The following PFKFB3 variants were observed in gnomAD, a reference collection of about 807,000 sequenced individuals.
PFKFB3 encodes 6-phosphofructo-2-kinase/fructose-2,6-bisphosphatase 3.
A neutral mutation model predicts 68.0 loss-of-function variants in PFKFB3; 33 were observed. That is an observed-to-expected ratio of 0.49 (90% CI 0.37 to 0.65). The LOEUF (loss-of-function observed/expected upper bound fraction) is 0.65, where lower values mean the gene tolerates loss of function less well. PFKFB3 is among the 30% of genes least tolerant of loss of function. The probability of loss-of-function intolerance (pLI) is 0.00; values close to 1 mark genes in which losing one functional copy is unlikely to be tolerated. For missense variants in PFKFB3, 586 were observed against 712.2 expected (o/e 0.82, Z 2.02); for synonymous variants, 315 against 288.2 (o/e 1.09, Z -0.94).
At chr10:6,281,092 A>G in the PFKFB3 span, among the ~76,000 whole-genome samples, 1 of 148,716 alleles carries the variant, frequency 6.7e-6, no homozygotes, top group Non-Finnish European at 1.5e-5. Context: ...ACTTAGAATC[A>G]TACTCTCCAG....
chr10:6,293,055 G>T, the PFKFB3 span: 1 of 376,884 alleles, frequency 2.7e-6, no homozygotes, highest in East Asian at 7.3e-5. Context: ...GCCAAAGAAG[G>T]AAACGGAGAC....
At chr10:6,239,685 T>A (rs893161814), downstream of PFKFB3, among the ~76,000 whole-genome samples, 1 of 152,186 alleles carries the variant, frequency 6.6e-6, no homozygotes, top group Non-Finnish European at 1.5e-5. Context: ...TTCTAATATT[T>A]TTTTTTGAGA....
rs1415499695 is a variant in PFKFB3, at chr10:6,221,369, A to G, written c.832-12A>G. 3.1e-6 allele frequency: 5 copies of G among 1,613,340 alleles called. No individual in the cohort carries two copies. Among genetic ancestry groups the G allele is most frequent in the Non-Finnish European group, 4.2e-6 (5 of 1,179,886 alleles). On this transcript the variant is annotated splice_polypyrimidine_tract_variant and intron_variant, in intron 8 of 14. Coordinates refer to ENST00000379775, the MANE Select transcript of PFKFB3 (RefSeq NM_004566.4). ...CATCTGGAATCAGTGGTCCCCCTCC[A>G]CCACCTCTCAGTTTGCCAGTGCTCT...
chr10:6,326,329 A>C, the PFKFB3 span, among the ~76,000 whole-genome samples: 2 of 152,106 alleles, frequency 1.3e-5, no homozygotes, highest in Non-Finnish European at 2.9e-5. Flanking sequence ...GAAAAGACCT[A>C]ATGTATGCTG....
chr10:6,312,873 C>T, the PFKFB3 span, among the ~76,000 whole-genome samples: 8,099 of 152,214 alleles, frequency 0.053, 323 homozygotes, highest in Middle Eastern at 0.19. Flanking sequence ...GAGCTGCATA[C>T]TCTTCTGTTT....
At chr10:6,221,851 G>A in intron 10 of PFKFB3, 106 bp downstream of exon 10, 1 of 717,170 alleles carries the variant, frequency 1.4e-6, no homozygotes, top group South Asian at 1.7e-5. Flanking sequence ...GGTTCTGGGG[G>A]CTCCTACACC....
At chr10:6,292,569 G>A in the PFKFB3 span, among the ~76,000 whole-genome samples, 14 of 151,382 alleles carry the variant, frequency 9.2e-5, no homozygotes, top group Non-Finnish European at 1.9e-4. Context: ...GATTACAGGC[G>A]TGAGCCACCG....
intron 1 of PFKFB3, among the ~76,000 whole-genome samples, chr10:6,179,791 G>A (rs1269471478): frequency 6.6e-6 from 1 of 152,172 alleles, no homozygotes; most frequent in Admixed American, 6.5e-5. Context: ...GCCAGGCACA[G>A]AAACCACGAG....
intron 1 of PFKFB3, among the ~76,000 whole-genome samples, chr10:6,178,643 T>G (rs879816606): frequency 5.9e-5 from 9 of 152,132 alleles, no homozygotes; most frequent in African/African-American, 1.7e-4. Context: ...TGGAGATGAC[T>G]GGGGAGCAGC....
the PFKFB3 span, among the ~76,000 whole-genome samples, chr10:6,308,455 G>T: frequency 2.0e-5 from 3 of 152,164 alleles, no homozygotes; most frequent in Non-Finnish European, 4.4e-5. Flanking sequence ...GACAGAGGTT[G>T]CAATGAGCCA....
chr10:6,215,313 C>CG lies in PFKFB3; in HGVS notation c.297dup (p.Lys100GlufsTer32). The CG allele has an allele frequency of 6.2e-7, 1 of 1,613,360 alleles. No homozygotes were observed. The highest frequency in any genetic ancestry group is 8.5e-7 in the Non-Finnish European group (1 of 1,179,520). Reference sequence around the variant, plus strand: ...CGACAATGAGGAAGCCATGAAAGTCCGGAAGTAAGGCTGGGCCGCGGGCGT... The same window carrying CG: ...CGACAATGAGGAAGCCATGAAAGTCCGGGAAGTAAGGCTGGGCCGCGGGCGT... On this transcript the variant is annotated frameshift_variant, in exon 3 of 15. Coordinates refer to ENST00000379775, the MANE Select transcript of PFKFB3 (RefSeq NM_004566.4). LOFTEE classifies it high-confidence loss of function. The surrounding 1 kb of genome is among the most constrained non-coding windows in gnomAD (Gnocchi z 4.3).
chr10:6,316,710 TC>T, the PFKFB3 span, among the ~76,000 whole-genome samples: 1 of 152,254 alleles, frequency 6.6e-6, no homozygotes, highest in East Asian at 1.9e-4. Context: ...ACTACTGACC[TC>T]AAGTGACTCC....
At chr10:6,152,207 C>A (rs1029101869) in intron 1 of PFKFB3, 3 of 154,292 alleles carry the variant, frequency 1.9e-5, no homozygotes, top group African/African-American at 7.2e-5. Flanking sequence ...CCGGGCATCA[C>A]CTCCCACTGC....
At chr10:6,226,118 A>G (rs1033883947) in intron 13 of PFKFB3, 74 bp from the exon 14 acceptor site, 1 of 1,371,220 alleles carries the variant, frequency 7.3e-7, no homozygotes, top group Non-Finnish European at 9.9e-7. Flanking sequence ...GAGCAGAGAA[A>G]CTTTTTTGGG....
chr10:6,200,437 T>G (rs190824746), upstream of PFKFB3, among the ~76,000 whole-genome samples: 11 of 152,198 alleles, frequency 7.2e-5, no homozygotes, highest in African/African-American at 2.6e-4. Flanking sequence ...ATGTCCAAAC[T>G]AGTAAACTCG....
intron 1 of PFKFB3, among the ~76,000 whole-genome samples, chr10:6,145,339 G>T (rs567142592): frequency 6.6e-6 from 1 of 151,656 alleles, no homozygotes; most frequent in Admixed American, 6.6e-5. Flanking sequence ...CTGCAGCCCC[G>T]CATTGTGCCT....
the PFKFB3 span, among the ~76,000 whole-genome samples, chr10:6,278,506 A>G: frequency 6.6e-6 from 1 of 151,548 alleles, no homozygotes; most frequent in Non-Finnish European, 1.5e-5. Flanking sequence ...TGAACTCCTG[A>G]CCTCATGATC....
At chr10:6,188,021 C>T (rs1003866057) in intron 1 of PFKFB3, among the ~76,000 whole-genome samples, 14 of 148,338 alleles carry the variant, frequency 9.4e-5, no homozygotes, top group African/African-American at 3.4e-4. Context: ...ATATATATAT[C>T]TGCCTCATAA....
chr10:6,314,963 C>T, the PFKFB3 span, among the ~76,000 whole-genome samples: 3 of 152,262 alleles, frequency 2.0e-5, no homozygotes, highest in East Asian at 5.8e-4. Context: ...ATAGCAGAGT[C>T]CAGGCAGGAA....
Sources: allele counts gnomAD v4.1 joint callset (sites outside exome capture counted in the v4.1 genomes callset), GRCh38; gene constraint gnomAD v4.1.1; non-coding constraint Gnocchi (gnomAD v3.1); transcripts MANE v1.5; gene names NCBI Gene and HGNC (gene_info 2026-07-23, HGNC 2026-07-21).